Variants in TNRC6B observed in about 807,000 individuals in gnomAD.
The protein encoded by TNRC6B is trinucleotide repeat containing adaptor 6B.
Under a neutral mutation model 203.6 loss-of-function variants are expected in TNRC6B, and 52 were observed. The observed-to-expected ratio is 0.26, with a 90% confidence interval of 0.20 to 0.32. The LOEUF is 0.32. Ranked by LOEUF, TNRC6B falls within the 10% of genes least tolerant of loss-of-function variation. TNRC6B has a pLI of 1.00. For missense variants in TNRC6B, 1,923 were observed against 2,286.2 expected (o/e 0.84, Z 3.24); for synonymous variants, 838 against 845.7 (o/e 0.99, Z 0.16).
At chr22:40,096,107 G>A (rs1308762705) in intron 1 of TNRC6B, among the ~76,000 whole-genome samples, 1 of 152,194 alleles carries the variant, frequency 6.6e-6, no homozygotes, top group Admixed American at 6.5e-5. Context: ...ACGATCTGTT[G>A]TATTGAACAC....
chr22:40,280,149 T>C lies in TNRC6B; in HGVS notation c.3411+6T>C. ...GTGGGCCTTATTTTGAGAAGGTGAG[T>C]TGAATCCTTTGTTTAAGATAATAAT... On this transcript the variant is annotated splice_donor_region_variant and intron_variant, in intron 10 of 22. Coordinates refer to ENST00000454349, the MANE Select transcript of TNRC6B (RefSeq NM_001162501.2). The C allele has an allele frequency of 6.2e-7, 1 of 1,610,738 alleles. No homozygotes were observed.
intron 3 of TNRC6B, among the ~76,000 whole-genome samples, chr22:40,132,969 A>AAAAAAAAAAAAAAAAAATATAT (rs1282694632): frequency 2.6e-5 from 2 of 78,188 alleles, no homozygotes; most frequent in South Asian, 6.2e-4. Context: ...AAAAAAAAAA[A>AAAAAAAAAAAAAAAAAATATAT]ATATATATAT....
chr22:40,065,704 G>A (rs1192823651), intron 1 of TNRC6B, among the ~76,000 whole-genome samples: 1 of 152,056 alleles, frequency 6.6e-6, no homozygotes, highest in African/African-American at 2.4e-5. Flanking sequence ...CTGGATCGAC[G>A]CTGTTTGATC....
chr22:40,111,247 GA>G (rs1225935626), intron 1 of TNRC6B, among the ~76,000 whole-genome samples: 1 of 152,252 alleles, frequency 6.6e-6, no homozygotes, highest in Non-Finnish European at 1.5e-5. Context: ...AAGGGAAATG[GA>G]AAACAATTGG....
At chr22:40,301,367 A>G in intron 15 of TNRC6B, 34 bp downstream of exon 15, 1 of 1,590,548 alleles carries the variant, frequency 6.3e-7, no homozygotes, top group Non-Finnish European at 8.6e-7. Context: ...ACCTTTTTAG[A>G]AATCTACCTC....
chr22:40,224,068 G>A (rs932527825), intron 1 of TNRC6B, among the ~76,000 whole-genome samples: 5 of 152,142 alleles, frequency 3.3e-5, no homozygotes, highest in Admixed American at 6.5e-5. Flanking sequence ...GTGCAGTGGT[G>A]TGAACTCAGC....
At chr22:40,202,813 C>T (rs1363083882) in intron 1 of TNRC6B, among the ~76,000 whole-genome samples, 2 of 152,062 alleles carry the variant, frequency 1.3e-5, no homozygotes, top group African/African-American at 4.8e-5. Flanking sequence ...TGCTCTTGAC[C>T]GTTTACCTCA....
At chr22:40,066,565 G>A (rs1403372618) in intron 1 of TNRC6B, among the ~76,000 whole-genome samples, 1 of 152,118 alleles carries the variant, frequency 6.6e-6, no homozygotes, top group Non-Finnish European at 1.5e-5. Context: ...TGAGCTCAGT[G>A]TAATAAGGCA....
At position 40,103,535 on chromosome 22, in the gene TNRC6B, GGATA is replaced by G. The variant is rs781280375; in HGVS notation, c.-120-13516_-120-13513del. ...TTTTATTGGTGAGTAGTTTTCTACT[GGATA>G]GATTTACCACAGTTTGTTTATCTAT... On this transcript the variant is annotated intron_variant, in intron 1 of 23. Coordinates refer to the TNRC6B transcript ENST00000301923. 3.3e-4 allele frequency among the ~76,000 whole-genome samples: 50 copies of G among 152,278 alleles called. No individual in the cohort carries two copies. The Middle Eastern group carries it at 0.01, about 31-fold the overall frequency.
At position 40,332,765 on chromosome 22, in the gene TNRC6B, C is replaced by T. The variant is rs189294740; in HGVS notation, c.*9524C>T. The T allele has an allele frequency of 1.5e-3, 223 of 152,762 alleles. 1 individual carries two copies. The highest frequency in any genetic ancestry group is 0.01 in the Middle Eastern group (3 of 294). The allele number at this position is 152,762 out of a possible 1,614,324, so 9.5% of individuals were successfully genotyped here. On this transcript the variant is annotated 3_prime_UTR_variant, in exon 23 of 23. Coordinates refer to ENST00000454349, the MANE Select transcript of TNRC6B (RefSeq NM_001162501.2). ...CCCCCTGCAATGTAAACCCTTAACTCCTCTCTCCTTTCTGACATCAGTGGA... is the reference window on the plus strand; with the variant it reads ...CCCCCTGCAATGTAAACCCTTAACTTCTCTCTCCTTTCTGACATCAGTGGA...
At chr22:40,243,164 C>A (rs972562624) in intron 1 of TNRC6B, among the ~76,000 whole-genome samples, 1 of 152,140 alleles carries the variant, frequency 6.6e-6, no homozygotes, top group Admixed American at 6.6e-5. Context: ...CCACCGCAAC[C>A]GGCCTGGATT....
At chr22:40,238,564 C>T (rs1027020055) in intron 1 of TNRC6B, among the ~76,000 whole-genome samples, 7 of 152,128 alleles carry the variant, frequency 4.6e-5, no homozygotes, top group African/African-American at 1.2e-4. Context: ...CTCAGATACA[C>T]CAATCTCACT....
intron 1 of TNRC6B, among the ~76,000 whole-genome samples, chr22:40,179,355 C>A (rs2069104593): frequency 6.6e-6 from 1 of 151,872 alleles, no homozygotes; most frequent in Middle Eastern, 3.4e-3. Flanking sequence ...GGGTAAATTA[C>A]TCCACCCCCC....
intron 6 of TNRC6B, among the ~76,000 whole-genome samples, chr22:40,272,842 A>G (rs1364867124): frequency 6.6e-6 from 1 of 152,208 alleles, no homozygotes; most frequent in East Asian, 1.9e-4. Context: ...GTGTAGTTCT[A>G]ATACATTTTA....
chr22:40,221,761 C>CCT (rs11407329), intron 1 of TNRC6B, among the ~76,000 whole-genome samples: 3,823 of 134,230 alleles, frequency 0.028, 204 homozygotes, highest in African/African-American at 0.093. Context: ...GCCCCCCCCC[C>CCT]TTTTTTTTTT....
At chr22:40,113,415 TG>T (rs1490462721) in intron 1 of TNRC6B, among the ~76,000 whole-genome samples, 1 of 152,148 alleles carries the variant, frequency 6.6e-6, no homozygotes, top group African/African-American at 2.4e-5. Context: ...AGTGCAGTGG[TG>T]TGATCTAGGC....
At chr22:40,119,186 T>C (rs564484726) in intron 2 of TNRC6B, among the ~76,000 whole-genome samples, 1 of 152,326 alleles carries the variant, frequency 6.6e-6, no homozygotes, top group African/African-American at 2.4e-5. Flanking sequence ...AGTCCTGTCA[T>C]GTGTGTAGCA....
chr22:40,133,996 AACAG>A (rs2068576367), intron 3 of TNRC6B, among the ~76,000 whole-genome samples: 1 of 147,254 alleles, frequency 6.8e-6, no homozygotes, highest in African/African-American at 2.5e-5. Context: ...AAAAAAAAAA[AACAG>A]GTAATATGCG....
chr22:40,075,156 A>ATATATATATATATATATATATTTTT, intron 1 of TNRC6B, among the ~76,000 whole-genome samples: 2 of 35,568 alleles, frequency 5.6e-5, no homozygotes, highest in Non-Finnish European at 1.0e-4. Context: ...ATATATATAT[A>ATATATATATATATATATATATTTTT]TTTTTTTTTT....
Sources: gnomAD v4.1 joint callset for allele counts (sites outside exome capture counted in the v4.1 genomes callset) on GRCh38, gnomAD v4.1.1 for gene constraint, MANE v1.5 for transcripts, NCBI Gene and HGNC (gene_info 2026-07-23, HGNC 2026-07-21) for gene names.